Variants in DCBLD2 observed in about 807,000 individuals in gnomAD.
DCBLD2 encodes discoidin, CUB and LCCL domain containing 2.
DCBLD2 carries 54 observed loss-of-function variants against 86.8 expected under a neutral mutation model. The observed-to-expected ratio is 0.62, with a 90% CI of 0.50 to 0.78. The LOEUF is 0.78. Among genes scored for constraint, DCBLD2 ranks in the 30% least tolerant of loss-of-function variants. The pLI, the probability that DCBLD2 is intolerant of heterozygous loss-of-function variation, is 0.00. For missense variants in DCBLD2, 908 were observed against 954.2 expected (o/e 0.95, Z 0.64); for synonymous variants, 354 against 341.3 (o/e 1.04, Z -0.41).
At chr3:98,849,663 T>C (rs893363483) in intron 2 of DCBLD2, 65 bp from the exon 3 acceptor site, 24 of 1,537,564 alleles carry the variant, frequency 1.6e-5, no homozygotes, top group Non-Finnish European at 2.1e-5. Flanking sequence ...ATTTGCAATG[T>C]AGATAACAGA....
chr3:98,881,570 T>C lies in DCBLD2; in HGVS notation c.403A>G (p.Asn135Asp). Residue 135 changes from asparagine (N) to aspartate (D), a missense_variant, in exon 2 of 16, where the codon AAT (asparagine) becomes GAT (aspartate). Around this residue, in one of 3 missense-constraint regions of DCBLD2, gnomAD observed 294 missense variants for 256.0 expected, o/e 1.15. Coordinates refer to ENST00000326840, the MANE Select transcript of DCBLD2 (RefSeq NM_080927.4). ...SCHFNYLRIY[N>D]GIGVSRTEIG... Reference sequence around the variant, plus strand: ...TCAGTTCTGCTGACTCCAATTCCATTATAAATTCTCAAGTAATTAAAGTGA... The same window carrying C: ...TCAGTTCTGCTGACTCCAATTCCATCATAAATTCTCAAGTAATTAAAGTGA... The C allele has an allele frequency of 1.9e-6, 3 of 1,613,944 alleles. No individual in the cohort carries two copies. Among genetic ancestry groups the C allele is most frequent in the Non-Finnish European group, 2.5e-6 (3 of 1,179,882 alleles).
At position 98,808,112 on chromosome 3, in the gene DCBLD2, T is replaced by C. The variant is rs376491392; in HGVS notation, c.1639A>G (p.Ile547Val). The change falls in exon 13 of 16, where the codon ATA (isoleucine) becomes GTA (valine). Residue 547 changes from isoleucine to valine, a missense_variant. Ile to Val is a conservative substitution (Grantham distance 29). Coordinates refer to ENST00000326840, the MANE Select transcript of DCBLD2 (RefSeq NM_080927.4). The stretch of plus-strand genomic sequence containing the variant: ...CTCCAGTGCCAAGCACACACTAATA[T>C]GAGAATGAGAGTAGTGAGGACCATG... ...LVMVLTTLIL[I>V]LVCAWHWRNR... 6 of 1,606,060 alleles carry C rather than the reference T, an allele frequency of 3.7e-6. No individual in the cohort carries two copies. Among genetic ancestry groups the C allele is most frequent in the Non-Finnish European group, 5.1e-6 (6 of 1,176,428 alleles).
In DCBLD2 at chr3:98,811,316, C is replaced by T. The variant is rs201058660; in HGVS notation, c.1454G>A (p.Arg485His). The change falls in exon 12 of 16, where the codon CGT becomes CAT. Residue 485 changes from arginine to histidine, a missense_variant. By Grantham distance (29) the Arg-to-His change is conservative (BLOSUM62 0). Coordinates refer to ENST00000326840, the MANE Select transcript of DCBLD2 (RefSeq NM_080927.4). The part of the protein sequence containing the change: ...TTAPPKIAKG[R>H]APKFTQPLQP... Reference sequence around the variant, plus strand: ...TAGTGGTTGCGTAAATTTTGGGGCACGACCTTTAAAAAAGTTTCAAAAGCT... The same window carrying T: ...TAGTGGTTGCGTAAATTTTGGGGCATGACCTTTAAAAAAGTTTCAAAAGCT... 2.4e-4 allele frequency: 391 copies of T among 1,610,634 alleles called. 1 individual carries two copies. The highest frequency in any genetic ancestry group is 3.0e-4 in the Non-Finnish European group (353 of 1,178,814).
rs868073076 is a variant in DCBLD2, at chr3:98,837,223, G to A, written c.572-11857C>T. Among the ~76,000 whole-genome samples, 10 of 4,352 alleles carry A rather than the reference G, an allele frequency of 2.3e-3. 4 individuals are homozygous for A. Among genetic ancestry groups the A allele is most frequent in the Non-Finnish European group, 0.015 (9 of 620 alleles). 2.9% of individuals were successfully genotyped at this position (4,352 alleles called of 152,430 possible). ...CGACACCCCCACCTCCCTCCCGGAC[G>A]GGGTGGCTGGCCGGGCAGGGGGCCG... On this transcript the variant is annotated intron_variant, in intron 3 of 15. Transcript: ENST00000326840.
At chr3:98,866,269 C>A (rs1559792563) in intron 2 of DCBLD2, among the ~76,000 whole-genome samples, 1 of 152,066 alleles carries the variant, frequency 6.6e-6, no homozygotes, top group Non-Finnish European at 1.5e-5. Flanking sequence ...GTTCTAGATC[C>A]CTGAGGAATC....
chr3:98,878,171 G>A (rs1346199722), intron 2 of DCBLD2, among the ~76,000 whole-genome samples: 1 of 152,182 alleles, frequency 6.6e-6, no homozygotes, highest in African/African-American at 2.4e-5. Context: ...AATCAGACAT[G>A]TATTGGTTAT....
intron 3 of DCBLD2, among the ~76,000 whole-genome samples, chr3:98,848,582 C>T (rs1394135762): frequency 1.3e-5 from 2 of 152,208 alleles, no homozygotes; most frequent in Non-Finnish European, 2.9e-5. Context: ...CTTACACTCC[C>T]ACAAACAGTG....
chr3:98,867,540 G>C (rs1278970667), intron 2 of DCBLD2, among the ~76,000 whole-genome samples: 5 of 152,220 alleles, frequency 3.3e-5, no homozygotes, highest in Non-Finnish European at 5.9e-5. Flanking sequence ...AGAAATAAAG[G>C]AAGACTTGAA....
intron 2 of DCBLD2, among the ~76,000 whole-genome samples, chr3:98,872,688 T>C (rs1943299870): frequency 6.6e-6 from 1 of 151,760 alleles, no homozygotes; most frequent in Non-Finnish European, 1.5e-5. Flanking sequence ...ATTAAGACAA[T>C]AGGGACCACA....
intron 1 of DCBLD2, among the ~76,000 whole-genome samples, chr3:98,884,475 G>A (rs1254853370): frequency 2.0e-5 from 3 of 150,226 alleles, no homozygotes; most frequent in Non-Finnish European, 4.4e-5. Flanking sequence ...CTGGATATCA[G>A]CTAAATTAAA....
intron 2 of DCBLD2, among the ~76,000 whole-genome samples, chr3:98,866,197 T>C (rs1199999418): frequency 2.0e-5 from 3 of 152,198 alleles, no homozygotes; most frequent in African/African-American, 4.8e-5. Context: ...TATAGCAGCA[T>C]GATTTATAAT....
intron 3 of DCBLD2, among the ~76,000 whole-genome samples, chr3:98,829,645 A>G (rs1480195527): frequency 2.6e-5 from 4 of 152,218 alleles, no homozygotes; most frequent in African/African-American, 9.6e-5. Context: ...TATATGTACC[A>G]CATTTTCTTT....
intron 3 of DCBLD2, among the ~76,000 whole-genome samples, chr3:98,836,636 G>T (rs1330925231): frequency 1.3e-4 from 17 of 134,732 alleles, no homozygotes; most frequent in African/African-American, 2.5e-4. Context: ...GCGGCTGGCC[G>T]GGCAGAGGGG....
At chr3:98,851,384 G>A (rs959746515) in intron 2 of DCBLD2, among the ~76,000 whole-genome samples, 4 of 152,096 alleles carry the variant, frequency 2.6e-5, no homozygotes, top group Admixed American at 6.6e-5. Context: ...CAACTTACAA[G>A]GGATGTGAAG....
chr3:98,819,741 T>C (rs1050541165), intron 7 of DCBLD2, among the ~76,000 whole-genome samples: 3 of 152,184 alleles, frequency 2.0e-5, no homozygotes, highest in African/African-American at 7.2e-5. Context: ...TGTTGCATTC[T>C]CCCTGAGGTC....
chr3:98,860,603 A>C (rs1419712352), intron 2 of DCBLD2, among the ~76,000 whole-genome samples: 3 of 152,222 alleles, frequency 2.0e-5, no homozygotes, highest in Non-Finnish European at 4.4e-5. Context: ...TTCAACCCGG[A>C]ATTTCATATC....
chr3:98,882,783 G>A (rs1331351231), intron 1 of DCBLD2, among the ~76,000 whole-genome samples: 1 of 152,098 alleles, frequency 6.6e-6, no homozygotes, highest in Non-Finnish European at 1.5e-5. Context: ...AGTATTCCAT[G>A]GTGTATATGT....
intron 13 of DCBLD2, among the ~76,000 whole-genome samples, chr3:98,803,940 G>A (rs1056065034): frequency 5.3e-5 from 8 of 152,148 alleles, no homozygotes; most frequent in East Asian, 1.9e-4. Flanking sequence ...TGCTGGATTC[G>A]GTTTGCCAGT....
chr3:98,838,607 C>G (rs981997103), intron 3 of DCBLD2, among the ~76,000 whole-genome samples: 1 of 151,650 alleles, frequency 6.6e-6, no homozygotes, highest in African/African-American at 2.4e-5. Flanking sequence ...AGACGATGGG[C>G]GGCCAGGCAG....
Sources: gnomAD v4.1 joint callset for allele counts (sites outside exome capture counted in the v4.1 genomes callset) on GRCh38, gnomAD v4.1.1 for gene constraint, gnomAD v4.1.1 regional missense constraint, MANE v1.5 for transcripts, NCBI Gene and HGNC (gene_info 2026-07-23, HGNC 2026-07-21) for gene names.